Variants in APP observed in about 807,000 individuals in gnomAD.
APP encodes amyloid beta precursor protein.
A neutral mutation model predicts 101.4 loss-of-function variants in APP; 31 were observed. That is an observed-to-expected ratio of 0.31 (90% CI 0.23 to 0.41). APP has a LOEUF of 0.41. Among genes scored for constraint, APP ranks in the 10% least tolerant of loss-of-function variants. APP has a pLI of 1.00. For missense variants in APP, 839 were observed against 1,003.7 expected, an observed-to-expected ratio of 0.84 and a Z score of 2.22; for synonymous variants, 366 against 364.4, an observed-to-expected ratio of 1.00 and a Z score of -0.05.
chr21:25,904,251 G>A (rs2038666576), intron 15 of APP, among the ~76,000 whole-genome samples: 2 of 152,162 alleles, frequency 1.3e-5, no homozygotes, highest in Admixed American at 6.5e-5. Context: ...GTTGGGTGAG[G>A]TTGTTCATAG....
chr21:25,885,571 C>T (rs2037267762), intron 17 of APP, among the ~76,000 whole-genome samples: 1 of 152,170 alleles, frequency 6.6e-6, no homozygotes, highest in African/African-American at 2.4e-5. Flanking sequence ...CTGGATTACA[C>T]AGCAGCAGGA....
At chr21:26,036,961 G>C (rs1205953164) in intron 5 of APP, among the ~76,000 whole-genome samples, 1 of 151,290 alleles carries the variant, frequency 6.6e-6, no homozygotes, top group Non-Finnish European at 1.5e-5. Context: ...AATGGATGAA[G>C]AAAATGTGAT....
At chr21:25,944,532 A>C (rs973156360) in intron 13 of APP, among the ~76,000 whole-genome samples, 2 of 152,244 alleles carry the variant, frequency 1.3e-5, no homozygotes, top group Non-Finnish European at 2.9e-5. Context: ...AACACCAACA[A>C]GCAAATTAAC....
At chr21:26,159,254 T>C (rs1344055872) in intron 1 of APP, among the ~76,000 whole-genome samples, 1 of 152,160 alleles carries the variant, frequency 6.6e-6, no homozygotes, top group African/African-American at 2.4e-5. Flanking sequence ...TAATTTGTTG[T>C]ATTTTTAGTG....
intron 11 of APP, among the ~76,000 whole-genome samples, chr21:25,974,689 C>T (rs897063979): frequency 2.6e-5 from 4 of 152,202 alleles, no homozygotes; most frequent in Non-Finnish European, 4.4e-5. Flanking sequence ...GGTACCCAGT[C>T]TATGGTATTC....
At chr21:26,171,045 A>T (rs1305110234), upstream of APP, 1 of 160,712 alleles carries the variant, frequency 6.2e-6, no homozygotes, top group Non-Finnish European at 1.4e-5. Flanking sequence ...GTGCAGGATC[A>T]GGGAAAGGTG....
chr21:26,138,997 G>A (rs962017275), intron 1 of APP, among the ~76,000 whole-genome samples: 1 of 152,066 alleles, frequency 6.6e-6, no homozygotes, highest in Non-Finnish European at 1.5e-5. Context: ...GGGGAATTGT[G>A]ACACGGTTAC....
intron 1 of APP, among the ~76,000 whole-genome samples, chr21:26,126,975 A>G (rs2062698055): frequency 2.4e-5 from 3 of 125,716 alleles, no homozygotes; most frequent in Admixed American, 1.6e-4. Flanking sequence ...CTTCCACAGA[A>G]GCAAAAAAAA....
At chr21:26,072,734 G>A (rs145144781) in intron 3 of APP, among the ~76,000 whole-genome samples, 31 of 152,198 alleles carry the variant, frequency 2.0e-4, no homozygotes, top group African/African-American at 7.5e-4. Context: ...CAATAGCAGG[G>A]TTTCTACATT....
rs11452565 is a variant in APP at position 25,908,692 on chromosome 21, T to TAA, written c.1909+3047_1909+3048dup. On this transcript the variant is annotated intron_variant, in intron 14 of 17. Coordinates refer to ENST00000346798, the MANE Select transcript of APP (RefSeq NM_000484.4). ...CTCTCTAATAAGATCCTGGCTCCAT[T>TAA]AAAAAAAAAAAAAGCTACCACTGAC... Among the ~76,000 whole-genome samples the TAA allele has an allele frequency of 5.1e-3, 740 of 145,646 alleles. 4 individuals are homozygous for TAA. Among genetic ancestry groups the TAA allele is most frequent in the African/African-American group, 0.012 (476 of 39,732 alleles).
chr21:25,963,487 G>A (rs1447091301), intron 11 of APP, among the ~76,000 whole-genome samples: 3 of 152,178 alleles, frequency 2.0e-5, no homozygotes, highest in African/African-American at 7.2e-5. Context: ...ATGACTCACT[G>A]TACGGGAATC....
chr21:25,882,115 C>T lies in APP; in HGVS notation c.2212-344G>A, dbSNP rs566826032. Among the ~76,000 whole-genome samples, 54 of 151,960 alleles carry T rather than the reference C, an allele frequency of 3.6e-4. No individual in the cohort carries two copies. In the South Asian group the frequency reaches 0.011, roughly 31 times the overall value. On this transcript the variant is annotated intron_variant, in intron 17 of 17. Transcript: ENST00000346798. ...TGGGTCCATAAAGGACAAACAGAGT[C>T]AACGGAAGCCTGTTTTACGTGGAAG...
intron 5 of APP, among the ~76,000 whole-genome samples, chr21:26,040,597 G>A (rs1473261918): frequency 2.8e-5 from 4 of 140,368 alleles, no homozygotes; most frequent in Non-Finnish European, 3.1e-5. Context: ...GTGAGACTCC[G>A]TCTCCATTAA....
intron 15 of APP, among the ~76,000 whole-genome samples, chr21:25,898,609 A>AT (rs1054296996): frequency 2.6e-5 from 4 of 152,268 alleles, no homozygotes; most frequent in South Asian, 4.1e-4. Context: ...ATTTCCCTCC[A>AT]TTTTTTGATA....
intron 3 of APP, among the ~76,000 whole-genome samples, chr21:26,078,141 C>G (rs2061532414): frequency 6.6e-6 from 1 of 152,128 alleles, no homozygotes. Context: ...AAAATTCATT[C>G]TTTATTTAAT....
intron 6 of APP, among the ~76,000 whole-genome samples, chr21:26,003,305 A>G (rs893904343): frequency 1.3e-5 from 2 of 152,250 alleles, no homozygotes; most frequent in Non-Finnish European, 2.9e-5. Context: ...TCCAGCTGTA[A>G]GAGCCTTAAC....
At chr21:26,114,508 C>G (rs572369739) in intron 1 of APP, among the ~76,000 whole-genome samples, 2 of 152,202 alleles carry the variant, frequency 1.3e-5, no homozygotes, top group African/African-American at 2.4e-5. Flanking sequence ...CACTGAAGGG[C>G]ATGATGATGT....
At chr21:26,112,620 T>C (rs1045073280) in intron 1 of APP, among the ~76,000 whole-genome samples, 2 of 152,210 alleles carry the variant, frequency 1.3e-5, no homozygotes, top group East Asian at 1.9e-4. Flanking sequence ...TGAGAGCAAG[T>C]ATGGCGTTGG....
chr21:26,089,792 T>C (rs2061783064), intron 3 of APP, 151 bp downstream of exon 3: 4 of 1,179,944 alleles, frequency 3.4e-6, no homozygotes, highest in Middle Eastern at 2.9e-4. Flanking sequence ...GTGCACAGAA[T>C]GTAACTGCAA....
Sources: gnomAD v4.1 joint callset for allele counts (sites outside exome capture counted in the v4.1 genomes callset) on GRCh38, gnomAD v4.1.1 for gene constraint, MANE v1.5 for transcripts, NCBI Gene and HGNC (gene_info 2026-07-23, HGNC 2026-07-21) for gene names.